VPS13B: variants seen among roughly 807,000 people sequenced by gnomAD.
The protein encoded by VPS13B is vacuolar protein sorting 13 homolog B.
Under a neutral mutation model 426.4 loss-of-function variants are expected in VPS13B, and 285 were observed. The observed-to-expected ratio is 0.67, with a 90% CI of 0.61 to 0.74. The LOEUF is 0.74. VPS13B is among the 30% of genes least tolerant of loss of function. VPS13B has a pLI of 0.00. For synonymous variants in VPS13B, 1,676 were observed against 1,676.4 expected (o/e 1.00, Z 0.01); for missense variants, 4,537 against 4,782.6 (o/e 0.95, Z 1.51).
At chr8:99,357,174 C>A (rs1812225509) in intron 19 of VPS13B, among the ~76,000 whole-genome samples, 1 of 152,152 alleles carries the variant, frequency 6.6e-6, no homozygotes, top group Non-Finnish European at 1.5e-5. Context: ...TTAAACTGAT[C>A]AGAATGCCCT....
chr8:99,698,721 T>G (rs1008617094), intron 35 of VPS13B, among the ~76,000 whole-genome samples: 4 of 152,224 alleles, frequency 2.6e-5, no homozygotes, highest in Non-Finnish European at 4.4e-5. Flanking sequence ...CACTGGGTTT[T>G]AAAGATGTGT....
chr8:99,462,524 G>C (rs1329962729), intron 23 of VPS13B, among the ~76,000 whole-genome samples: 1 of 151,932 alleles, frequency 6.6e-6, no homozygotes, highest in African/African-American at 2.4e-5. Flanking sequence ...CCTATGTACA[G>C]CTTTCCTAAA....
intron 34 of VPS13B, among the ~76,000 whole-genome samples, chr8:99,659,764 A>C (rs1293718906): frequency 6.6e-6 from 1 of 152,108 alleles, no homozygotes; most frequent in Non-Finnish European, 1.5e-5. Context: ...TTTGTTATTT[A>C]TATCACTTAA....
At chr8:99,517,566 T>C (rs1822153439) in intron 29 of VPS13B, among the ~76,000 whole-genome samples, 1 of 152,204 alleles carries the variant, frequency 6.6e-6, no homozygotes, top group Admixed American at 6.5e-5. Context: ...AAAGTCTGCT[T>C]TTCAACCTGG....
chr8:99,612,624 C>T (rs1827893643), intron 33 of VPS13B, among the ~76,000 whole-genome samples: 1 of 152,162 alleles, frequency 6.6e-6, no homozygotes, highest in South Asian at 2.1e-4. Flanking sequence ...CTACTGAAGC[C>T]TCCAATTTAT....
chr8:99,463,474 C>T lies in VPS13B; in HGVS notation c.3446-3940C>T, dbSNP rs1442051559. 2.0e-5 allele frequency among the ~76,000 whole-genome samples: 3 copies of T among 152,112 alleles called. No individual in the cohort carries two copies. The East Asian group carries it at 5.8e-4, about 29-fold the overall frequency. On this transcript the variant is annotated intron_variant, in intron 23 of 61. Coordinates refer to ENST00000357162, the MANE Select transcript of VPS13B (RefSeq NM_152564.5). Reference sequence around the variant, plus strand: ...TGTACATGCAGTTCATTTCACATTTCCTAACACAAAACAGTATTCCAAATG... The same window carrying T: ...TGTACATGCAGTTCATTTCACATTTTCTAACACAAAACAGTATTCCAAATG...
intron 3 of VPS13B, among the ~76,000 whole-genome samples, chr8:99,062,625 C>T (rs1201810127): frequency 2.0e-5 from 3 of 152,066 alleles, no homozygotes; most frequent in Admixed American, 6.6e-5. Context: ...TGCGCCACCA[C>T]GCCTGGCTAA....
At chr8:99,030,650 TC>T (rs1182549888) in intron 2 of VPS13B, among the ~76,000 whole-genome samples, 1 of 152,150 alleles carries the variant, frequency 6.6e-6, no homozygotes, top group East Asian at 1.9e-4. Context: ...TATATGATAA[TC>T]ATACAAATGC....
chr8:99,241,981 C>A (rs1298488025), intron 17 of VPS13B, among the ~76,000 whole-genome samples: 1 of 151,216 alleles, frequency 6.6e-6, no homozygotes, highest in Non-Finnish European at 1.5e-5. Context: ...TAATTGGTTT[C>A]TTTTTTTTTC....
At chr8:99,043,488 A>C (rs1843066295) in intron 3 of VPS13B, among the ~76,000 whole-genome samples, 1 of 152,102 alleles carries the variant, frequency 6.6e-6, no homozygotes, top group South Asian at 2.1e-4. Context: ...CATTGCTTGA[A>C]TGTTATAATA....
intron 14 of VPS13B, among the ~76,000 whole-genome samples, chr8:99,150,770 T>A (rs1417554847): frequency 2.0e-5 from 3 of 152,226 alleles, no homozygotes; most frequent in Non-Finnish European, 4.4e-5. Context: ...CACAATTTAC[T>A]TATCCATTCA....
At chr8:99,643,529 TC>T (rs1262855322) in intron 34 of VPS13B, among the ~76,000 whole-genome samples, 1 of 152,074 alleles carries the variant, frequency 6.6e-6, no homozygotes, top group Non-Finnish European at 1.5e-5. Context: ...TTAGTGCAAG[TC>T]CCCTGCTTTA....
rs1336396885 is a variant in VPS13B at position 99,642,241 on chromosome 8, C to T, written c.5651C>T (p.Ser1884Leu). The T allele has an allele frequency of 6.2e-7, 1 of 1,614,020 alleles. No individual in the cohort carries two copies. Among genetic ancestry groups the T allele is most frequent in the South Asian group, 1.1e-5 (1 of 91,080 alleles). The change falls in exon 34 of 62, where the codon TCA becomes TTA. Residue 1884 changes from serine (S) to leucine (L), a missense_variant. Around this residue, in one of 2 missense-constraint regions of VPS13B, gnomAD observed 4,311 missense variants for 4,474.3 expected, o/e 0.96. Transcript: ENST00000357162. ...DLLRSSISFP[S>L]GKKIGVLSLE... ...TTAAGGAGCAGCATTTCTTTTCCTT[C>T]AGGGAAAAAAATAGGGGTCCTCTCT...
chr8:99,417,788 GTTTCTTGTTTTTT>G (rs1418091982), intron 21 of VPS13B, among the ~76,000 whole-genome samples: 1 of 150,702 alleles, frequency 6.6e-6, no homozygotes, highest in Non-Finnish European at 1.5e-5. Flanking sequence ...ACCTTACTTT[GTTTCTTGTTTTTT>G]TTTCTTGACA....
intron 17 of VPS13B, among the ~76,000 whole-genome samples, chr8:99,242,584 C>T (rs546297905): frequency 4.7e-4 from 72 of 152,214 alleles, no homozygotes; most frequent in African/African-American, 1.3e-3. Flanking sequence ...TGTAAAAATA[C>T]GTTGTCATAT....
intron 39 of VPS13B, among the ~76,000 whole-genome samples, chr8:99,732,487 G>A (rs1833646504): frequency 6.6e-6 from 1 of 152,188 alleles, no homozygotes; most frequent in Non-Finnish European, 1.5e-5. Context: ...CCAGAATTTT[G>A]TCACATGGCC....
intron 4 of VPS13B, among the ~76,000 whole-genome samples, chr8:99,096,953 C>T (rs1215318573): frequency 1.1e-4 from 17 of 152,086 alleles, no homozygotes; most frequent in Admixed American, 1.0e-3. Flanking sequence ...ATCTTTTAGG[C>T]CAGACTTTGG....
intron 25 of VPS13B, among the ~76,000 whole-genome samples, chr8:99,490,456 G>T (rs982102923): frequency 1.3e-5 from 2 of 152,164 alleles, no homozygotes; most frequent in Non-Finnish European, 2.9e-5. Context: ...CTATTGATTG[G>T]AATAGTTTCA....
In VPS13B at chr8:99,737,106, CT is replaced by C. The variant is rs386413466; in HGVS notation, c.7050+16091del. 5.0e-4 allele frequency among the ~76,000 whole-genome samples: 22 copies of C among 44,360 alleles called. No individual in the cohort carries two copies. The South Asian group carries it at 6.4e-3, about 13-fold the overall frequency. The allele number at this position is 44,360 out of a possible 152,430, so 29.1% of individuals were successfully genotyped here. A position where few individuals can be genotyped will look rare whatever the true frequency, so the allele number is the denominator to read the frequency against. Reference sequence around the variant, plus strand: ...CAGGAAAGCCTTTGAAGATGTCCTTCTTTTTTTTTTTTTTTTTTTTTTTTTT... The same window carrying C: ...CAGGAAAGCCTTTGAAGATGTCCTTCTTTTTTTTTTTTTTTTTTTTTTTTT... On this transcript the variant is annotated intron_variant, in intron 39 of 61. Coordinates refer to ENST00000357162, the MANE Select transcript of VPS13B (RefSeq NM_152564.5).
Sources: gnomAD v4.1 joint callset for allele counts (sites outside exome capture counted in the v4.1 genomes callset) on GRCh38, gnomAD v4.1.1 for gene constraint, gnomAD v4.1.1 regional missense constraint, MANE v1.5 for transcripts, NCBI Gene and HGNC (gene_info 2026-07-23, HGNC 2026-07-21) for gene names.